Variants in SMARCC1 observed in about 807,000 individuals in gnomAD.
SMARCC1 encodes the protein SWI/SNF complex subunit SMARCC1.
In SMARCC1, 43 loss-of-function variants were observed where a neutral mutation model predicts 147.4. That is an observed-to-expected ratio of 0.29 (90% confidence interval 0.23 to 0.38). The LOEUF is 0.38. SMARCC1 is among the 10% of genes least tolerant of loss of function. SMARCC1 has a pLI of 1.00. For synonymous variants in SMARCC1, 495 were observed against 484.4 expected (o/e 1.02, Z -0.29); for missense variants, 1,119 against 1,381.1 (o/e 0.81, Z 3.01).
chr3:47,778,297 TTTTTG>T (rs199875702), intron 1 of SMARCC1, among the ~76,000 whole-genome samples: 2,359 of 151,894 alleles, frequency 0.016, 59 homozygotes, highest in African/African-American at 0.051. Flanking sequence ...TTGTTTTTGT[TTTTTG>T]TTTTGTTTTG....
intron 18 of SMARCC1, among the ~76,000 whole-genome samples, chr3:47,673,448 G>A (rs920093728): frequency 6.7e-6 from 1 of 150,162 alleles, no homozygotes; most frequent in Non-Finnish European, 1.5e-5. Flanking sequence ...AGCACACCGG[G>A]AGGCCAATGT....
At chr3:47,649,645 T>C (rs1224723059) in intron 21 of SMARCC1, among the ~76,000 whole-genome samples, 2 of 152,328 alleles carry the variant, frequency 1.3e-5, no homozygotes, top group East Asian at 1.9e-4. Context: ...CATCAACTTG[T>C]AAGGAAAACA....
intron 3 of SMARCC1, among the ~76,000 whole-genome samples, chr3:47,740,735 T>C (rs913744184): frequency 7.3e-5 from 11 of 151,622 alleles, no homozygotes; most frequent in African/African-American, 2.4e-4. Flanking sequence ...TTGAGGACAA[T>C]GGCCAGGTTT....
At chr3:47,726,892 T>C (rs1393609355) in intron 6 of SMARCC1, among the ~76,000 whole-genome samples, 1 of 151,590 alleles carries the variant, frequency 6.6e-6, no homozygotes, top group Non-Finnish European at 1.5e-5. Context: ...AAAATTTCCT[T>C]TTTTTTTCAA....
chr3:47,597,589 G>A (rs1053898370), intron 26 of SMARCC1, among the ~76,000 whole-genome samples: 3 of 152,138 alleles, frequency 2.0e-5, no homozygotes, highest in Admixed American at 2.0e-4. Flanking sequence ...GCCTCCCAAA[G>A]TGCTGGGATT....
chr3:47,629,776 A>G (rs1184910150), intron 24 of SMARCC1, among the ~76,000 whole-genome samples: 1 of 152,132 alleles, frequency 6.6e-6, no homozygotes, highest in African/African-American at 2.4e-5. Context: ...ACTCTAGTCA[A>G]TGCGACATGG....
intron 9 of SMARCC1, 115 bp from the exon 10 acceptor site, chr3:47,706,645 A>C: frequency 1.1e-6 from 1 of 944,588 alleles, no homozygotes; most frequent in Non-Finnish European, 1.5e-6. Flanking sequence ...CTTAGTTCAG[A>C]GCAAATAAAA....
At chr3:47,775,403 G>A (rs1052243594) in intron 1 of SMARCC1, among the ~76,000 whole-genome samples, 7 of 148,954 alleles carry the variant, frequency 4.7e-5, no homozygotes, top group African/African-American at 7.4e-5. Flanking sequence ...CTCGTGATTC[G>A]CCTGCCTCGG....
At chr3:47,635,128 TA>T in intron 24 of SMARCC1, 61 bp downstream of exon 24, 2 of 1,449,172 alleles carry the variant, frequency 1.4e-6, no homozygotes, top group Non-Finnish European at 1.9e-6. Flanking sequence ...CCCAATTAAC[TA>T]AAAACAATAC....
chr3:47,665,898 T>G (rs1033489546), intron 19 of SMARCC1, among the ~76,000 whole-genome samples: 2 of 151,864 alleles, frequency 1.3e-5, no homozygotes, highest in Middle Eastern at 6.3e-3. Context: ...TTGCCCAAGC[T>G]GCTGTCCAAT....
intron 1 of SMARCC1, among the ~76,000 whole-genome samples, chr3:47,781,392 G>A (rs562447366): frequency 6.6e-6 from 1 of 152,216 alleles, no homozygotes; most frequent in Admixed American, 6.5e-5. Context: ...CCATGGGTGC[G>A]TAGGCTCAGA....
At chr3:47,748,970 G>A (rs942766205) in intron 2 of SMARCC1, among the ~76,000 whole-genome samples, 9 of 151,966 alleles carry the variant, frequency 5.9e-5, no homozygotes, top group Admixed American at 5.3e-4. Flanking sequence ...AAGAGTAGAA[G>A]ACCAACCTGG....
intron 2 of SMARCC1, among the ~76,000 whole-genome samples, chr3:47,761,544 C>A (rs2034772741): frequency 6.6e-6 from 1 of 151,984 alleles, no homozygotes; most frequent in African/African-American, 2.4e-5. Flanking sequence ...AGTCTCAAGT[C>A]TCTCAAGCTA....
Position 47,673,399 on chromosome 3 carries a change from TG to T in SMARCC1, c.1839+2075del, listed in dbSNP as rs71070208. Among the ~76,000 whole-genome samples the T allele has an allele frequency of 6.4e-5, 3 of 47,010 alleles. 1 individual carries two copies. Among genetic ancestry groups the T allele is most frequent in the African/African-American group, 2.0e-4 (3 of 14,980 alleles). The allele number at this position is 47,010 out of a possible 152,430, so 30.8% of individuals were successfully genotyped here. On this transcript the variant is annotated intron_variant, in intron 18 of 27. Coordinates refer to ENST00000254480, the MANE Select transcript of SMARCC1 (RefSeq NM_003074.4). ...AGACTCTGTCTCAAAAAAAAAAGGG[TG>T]GGGGGGGGGCAGGCCAGTGGCTCAG...
rs149602350 is a variant in SMARCC1, at chr3:47,648,288, C to A, written c.2321-9508G>T. Among the ~76,000 whole-genome samples, 247 of 152,324 alleles carry A rather than the reference C, an allele frequency of 1.6e-3. 2 individuals carry two copies. The highest frequency in any genetic ancestry group is 5.8e-3 in the African/African-American group (240 of 41,566). On this transcript the variant is annotated intron_variant, in intron 21 of 27. Transcript: ENST00000254480. ...GGAATTACAGGCATGAGCCACCGCA[C>A]CCGGCCTTATAAACCTCTTTTTCTA...
chr3:47,740,178 CTTTTTTTTTTTTTTTTTT>C (rs34523367), intron 3 of SMARCC1, among the ~76,000 whole-genome samples: 18 of 35,720 alleles, frequency 5.0e-4, no homozygotes, highest in Admixed American at 2.3e-3. Flanking sequence ...GCCCGGCCAT[CTTTTTTTTTTTTTTTTTT>C]TTTTTTTTTT....
At chr3:47,726,633 T>C (rs1481409310) in intron 6 of SMARCC1, among the ~76,000 whole-genome samples, 1 of 152,226 alleles carries the variant, frequency 6.6e-6, no homozygotes, top group Non-Finnish European at 1.5e-5. Flanking sequence ...AACTCCCTGA[T>C]GGAGCATTAG....
intron 10 of SMARCC1, among the ~76,000 whole-genome samples, chr3:47,704,626 T>TA (rs1211886196): frequency 6.6e-6 from 1 of 152,030 alleles, no homozygotes; most frequent in Non-Finnish European, 1.5e-5. Context: ...ATTAGAAATG[T>TA]AAGAAACAGG....
intron 26 of SMARCC1, chr3:47,604,616 A>G (rs2032439213): frequency 3.9e-6 from 1 of 256,342 alleles, no homozygotes; most frequent in Admixed American, 5.1e-5. Context: ...GACCTTTAGA[A>G]TATGGTCTAT....
Sources: gnomAD v4.1 joint callset for allele counts (sites outside exome capture counted in the v4.1 genomes callset) on GRCh38, gnomAD v4.1.1 for gene constraint, MANE v1.5 for transcripts, NCBI Gene and HGNC (gene_info 2026-07-23, HGNC 2026-07-21) for gene names.